The following ZP2 variants were observed in gnomAD, a reference collection of about 807,000 sequenced individuals.
ZP2 encodes zona pellucida glycoprotein 2.
ZP2 carries 51 observed loss-of-function variants against 84.0 expected under a neutral mutation model. The observed-to-expected ratio is 0.61, with a 90% CI of 0.49 to 0.77. The LOEUF (loss-of-function observed/expected upper bound fraction) is 0.77. Among genes scored for constraint, ZP2 ranks in the 30% least tolerant of loss-of-function variants. The pLI, the probability that ZP2 is intolerant of heterozygous loss-of-function variation, is 0.00. For synonymous variants in ZP2, 375 were observed against 330.9 expected (o/e 1.13, Z -1.45); for missense variants, 909 against 911.9 (o/e 1.00, Z 0.04).
At chr16:21,211,106 C>A (rs1344700034) in intron 2 of ZP2, among the ~76,000 whole-genome samples, 2 of 152,072 alleles carry the variant, frequency 1.3e-5, no homozygotes, top group Non-Finnish European at 2.9e-5. Flanking sequence ...GATTGGAAGG[C>A]AGTGCAAGTG....
At chr16:21,197,655 A>G in intron 18 of ZP2, 33 bp from the exon 19 acceptor site, 2 of 1,613,752 alleles carry the variant, frequency 1.2e-6, no homozygotes, top group South Asian at 2.2e-5. Context: ...AGTCTTAAGT[A>G]TTTTTAAATA....
intron 4 of ZP2, among the ~76,000 whole-genome samples, chr16:21,207,635 AACACACACACACACAC>A (rs10530241): frequency 0.18 from 25,790 of 143,712 alleles, 2,479 homozygotes; most frequent in African/African-American, 0.23. Flanking sequence ...ATATATATTA[AACACACACACACACAC>A]ACACACACAC....
In ZP2 at chr16:21,201,966, G is replaced by A; in HGVS notation, c.1345C>T (p.Pro449Ser). The change falls in exon 12 of 19, where the codon CCT becomes TCT. Residue 449 changes from proline to serine, a missense_variant. Pro to Ser is a moderately conservative substitution (Grantham distance 74). Coordinates refer to ENST00000574091, the MANE Select transcript of ZP2 (RefSeq NM_001376232.1). ...CTGTCTCTAGATATTTTGCTTGGAG[G>A]AAAATCCGTCCAGAGAGCATGTATT... ...NEIHALWTDF[P>S]PSKISRDSEF... is the part of the protein sequence containing the mutation. 1 of 1,613,974 alleles carries A rather than the reference G, an allele frequency of 6.2e-7. No homozygotes were observed. The highest frequency in any genetic ancestry group is 8.5e-7 in the Non-Finnish European group (1 of 1,179,964).
At chr16:21,202,061 G>A (rs1390397939) in intron 11 of ZP2, 38 bp from the exon 12 acceptor site, 2 of 1,613,506 alleles carry the variant, frequency 1.2e-6, no homozygotes, top group African/African-American at 2.7e-5. Flanking sequence ...AGCCAGTTAT[G>A]TCAAAGATGA....
At chr16:21,211,118 T>C (rs1328057398) in intron 2 of ZP2, among the ~76,000 whole-genome samples, 189 bp downstream of exon 2, 1 of 152,084 alleles carries the variant, frequency 6.6e-6, no homozygotes, top group Non-Finnish European at 1.5e-5. Context: ...GTGCAAGTGT[T>C]TGAGTTTTCA....
At chr16:21,203,816 G>T in intron 9 of ZP2, 1 of 605,804 alleles carries the variant, frequency 1.7e-6, no homozygotes, top group Non-Finnish European at 2.9e-6. Flanking sequence ...GATTTTTCAT[G>T]ACAGAAGTTA....
intron 6 of ZP2, 39 bp from the exon 7 acceptor site, chr16:21,205,623 C>T: frequency 1.2e-6 from 2 of 1,613,136 alleles, no homozygotes; most frequent in Middle Eastern, 1.7e-4. Flanking sequence ...CTGGTGCTCC[C>T]TTAACCAAGT....
In ZP2 at chr16:21,201,703, T is replaced by TA; in HGVS notation, c.1504+2dup. On this transcript the variant is annotated splice_region_variant and intron_variant, in intron 13 of 18. Transcript: ENST00000574091. ...AGCAATTTCACAGACTGCAATCTCTTACCTGGGTAGCTTTGCAGGATCAAG... is the reference window on the plus strand; with the variant it reads ...AGCAATTTCACAGACTGCAATCTCTTAACCTGGGTAGCTTTGCAGGATCAAG... The TA allele has an allele frequency of 6.2e-7, 1 of 1,614,078 alleles. No homozygotes were observed. The highest frequency in any genetic ancestry group is 8.5e-7 in the Non-Finnish European group (1 of 1,179,998).
chr16:21,206,337 A>G (rs757753664), intron 5 of ZP2, among the ~76,000 whole-genome samples: 11 of 152,196 alleles, frequency 7.2e-5, no homozygotes, highest in Non-Finnish European at 8.8e-5. Flanking sequence ...ACCAATGTCC[A>G]TAGAAATCAG....
Position 21,211,514 on chromosome 16 carries a change from G to T in ZP2, c.34C>A (p.Pro12Thr). ...CAGCCTGCATTGAACCAGCCTGAGG[G>T]ACTCCAAGAGCCTCCTCTCTGCCTG... ...ACRQRGGSWS[P>T]SGWFNAGWST... Residue 12 changes from proline (P) to threonine (T), a missense_variant, in exon 1 of 19, where the codon CCC becomes ACC. Pro to Thr is a conservative substitution (Grantham distance 38). Transcript: ENST00000574091. 6.2e-7 allele frequency: 1 copy of T among 1,614,152 alleles called. No homozygotes were observed. The highest frequency in any genetic ancestry group is 8.5e-7 in the Non-Finnish European group (1 of 1,180,030).
chr16:21,211,378 G>T lies in ZP2; in HGVS notation c.80C>A (p.Ser27Tyr). 1 of 1,614,176 alleles carries T rather than the reference G, an allele frequency of 6.2e-7. No individual in the cohort carries two copies. The highest frequency in any genetic ancestry group is 8.5e-7 in the Non-Finnish European group (1 of 1,180,032). ...TGAAGTCACAAGGGCGAAGAAGAGA[G>T]AAATCGACCTGTAGGTGCTGGAAAG... ...NAGWSTYRSISLFFALVTSGN... is the reference protein window; with the variant it reads ...NAGWSTYRSIYLFFALVTSGN... Residue 27 changes from serine (S) to tyrosine (Y), a missense_variant, in exon 2 of 19, where the codon TCT becomes TAT. By Grantham distance (144) the Ser-to-Tyr change is moderately radical (BLOSUM62 -2). Coordinates refer to ENST00000574091, the MANE Select transcript of ZP2 (RefSeq NM_001376232.1).
chr16:21,213,780 T>C (rs917120727), upstream of ZP2, among the ~76,000 whole-genome samples: 1 of 152,098 alleles, frequency 6.6e-6, no homozygotes, highest in African/African-American at 2.4e-5. Flanking sequence ...GTAAAAGGAT[T>C]TCATTTTATA....
At chr16:21,207,333 G>T (rs1045545446) in intron 4 of ZP2, among the ~76,000 whole-genome samples, 3 of 152,154 alleles carry the variant, frequency 2.0e-5, no homozygotes, top group Admixed American at 6.5e-5. Context: ...AGCTGCCATT[G>T]TGCTGGGTAG....
intron 2 of ZP2, 139 bp from the exon 3 acceptor site, chr16:21,210,331 A>T: frequency 1.5e-6 from 1 of 669,594 alleles, no homozygotes; most frequent in Non-Finnish European, 2.7e-6. Flanking sequence ...AGAGCTCACA[A>T]ACAAGTGACC....
intron 4 of ZP2, among the ~76,000 whole-genome samples, chr16:21,208,016 T>G (rs8051261): frequency 6.6e-6 from 1 of 151,940 alleles, no homozygotes; most frequent in African/African-American, 2.4e-5. Context: ...GGCCAGAAGT[T>G]TGAGGCCAGC....
intron 16 of ZP2, 70 bp from the exon 17 acceptor site, chr16:21,198,932 C>T: frequency 7.4e-7 from 1 of 1,344,972 alleles, no homozygotes; most frequent in Non-Finnish European, 1.1e-6. Flanking sequence ...CAATGGAATG[C>T]TTAGAAGTAG....
At chr16:21,211,997 G>A (rs978682966), upstream of ZP2, among the ~76,000 whole-genome samples, 4 of 150,308 alleles carry the variant, frequency 2.7e-5, no homozygotes, top group East Asian at 7.8e-4. Flanking sequence ...GTGCAATCTC[G>A]GCTCACTGCA....
At position 21,211,531 on chromosome 16, in the gene ZP2, C is replaced by T. The variant is rs760334599; in HGVS notation, c.17G>A (p.Arg6Lys). ...GCCTGAGGGACTCCAAGAGCCTCCTCTCTGCCTGCACGCCATAGCAGAAGA... is the reference window on the plus strand; with the variant it reads ...GCCTGAGGGACTCCAAGAGCCTCCTTTCTGCCTGCACGCCATAGCAGAAGA... Reference protein sequence around the residue: MACRQRGGSWSPSGWF... With the variant: MACRQKGGSWSPSGWF... The change falls in exon 1 of 19, where the codon AGA (arginine) becomes AAA (lysine). Residue 6 changes from arginine to lysine, a missense_variant. Arg to Lys is a conservative substitution (Grantham distance 26). Coordinates refer to ENST00000574091, the MANE Select transcript of ZP2 (RefSeq NM_001376232.1). The T allele has an allele frequency of 1.9e-6, 3 of 1,614,234 alleles. No homozygotes were observed. The highest frequency in any genetic ancestry group is 2.5e-6 in the Non-Finnish European group (3 of 1,180,056).
At chr16:21,205,236 G>A (rs947679488) in intron 7 of ZP2, among the ~76,000 whole-genome samples, 184 bp downstream of exon 7, 1 of 152,270 alleles carries the variant, frequency 6.6e-6, no homozygotes, top group African/African-American at 2.4e-5. Flanking sequence ...CAAGCGATCT[G>A]CCCGCTTCAG....
Sources: gnomAD v4.1 joint callset for allele counts (sites outside exome capture counted in the v4.1 genomes callset) on GRCh38, gnomAD v4.1.1 for gene constraint, MANE v1.5 for transcripts, NCBI Gene and HGNC (gene_info 2026-07-23, HGNC 2026-07-21) for gene names.